PPP1R13L: variants seen among roughly 807,000 people sequenced by gnomAD.
PPP1R13L encodes protein phosphatase 1 regulatory subunit 13 like, also known as relA-associated inhibitor.
Under a neutral mutation model 80.9 loss-of-function variants are expected in PPP1R13L, and 50 were observed. The ratio of observed to expected loss-of-function variants is 0.62; its 90% confidence interval spans 0.49 to 0.78. The LOEUF (loss-of-function observed/expected upper bound fraction) is 0.78, where lower values mean the gene tolerates loss of function less well. PPP1R13L is among the 30% of genes least tolerant of loss of function. PPP1R13L has a pLI of 0.00. For missense variants in PPP1R13L, 1,200 were observed against 1,205.9 expected, an observed-to-expected ratio of 1.00 and a Z score of 0.07; for synonymous variants, 602 against 534.3, an observed-to-expected ratio of 1.13 and a Z score of -1.75.
At chr19:45,384,296 G>A (rs189665944) in intron 11 of PPP1R13L, among the ~76,000 whole-genome samples, 39 of 145,290 alleles carry the variant, frequency 2.7e-4, no homozygotes, top group African/African-American at 1.0e-3. Context: ...CAAGGCAGGC[G>A]GATCCTCTGA....
rs762605157 is a variant in PPP1R13L at position 45,396,644 on chromosome 19, G to T, written c.613C>A (p.Arg205Ser). Residue 205 changes from arginine (R) to serine (S), a missense_variant, in exon 4 of 13, where the codon CGC (arginine) becomes AGC (serine). By Grantham distance (110) the Arg-to-Ser change is moderately radical (BLOSUM62 -1). Around this residue, in one of 5 missense-constraint regions of PPP1R13L, gnomAD observed 764 missense variants for 714.5 expected, o/e 1.07. Transcript: ENST00000360957. This position sits in a 1 kb window ranked among gnomAD's most constrained non-coding sequence, Gnocchi z 5.3. ...AFFPERGPSP[R>S]PPATAYDAPA... ...GCGTCGTAGGCTGTGGCAGGGGGGC[G>T]CGGTGACGGCCCACGCTCGGGGAAG... is the stretch of plus-strand genomic sequence containing the variant. The T allele has an allele frequency of 9.5e-6, 14 of 1,471,364 alleles. No homozygotes were observed. The highest frequency in any genetic ancestry group is 1.2e-5 in the Non-Finnish European group (14 of 1,122,078). 91.1% of individuals were successfully genotyped at this position (1,471,364 alleles called of 1,614,324 possible). A position where few individuals can be genotyped will look rare whatever the true frequency, so the allele number is the denominator to read the frequency against.
chr19:45,401,215 C>T (rs1294833118), intron 1 of PPP1R13L, among the ~76,000 whole-genome samples: 1 of 151,502 alleles, frequency 6.6e-6, no homozygotes, highest in Non-Finnish European at 1.5e-5. Context: ...ATTAGCTGGG[C>T]GTGGTGGCGG....
chr19:45,394,073 C>G (rs1973032974), intron 7 of PPP1R13L, among the ~76,000 whole-genome samples: 1 of 152,108 alleles, frequency 6.6e-6, no homozygotes, highest in Admixed American at 6.6e-5. Flanking sequence ...GAGACTCCAG[C>G]CCATCTGCTT....
intron 1 of PPP1R13L, among the ~76,000 whole-genome samples, chr19:45,402,709 A>T (rs911356364): frequency 1.3e-5 from 2 of 152,096 alleles, no homozygotes; most frequent in Non-Finnish European, 1.5e-5. Context: ...GTCCTCTCCC[A>T]TGTGCTCCCC....
intron 7 of PPP1R13L, chr19:45,394,675 G>C (rs1973044913): frequency 7.7e-6 from 1 of 130,322 alleles, no homozygotes; most frequent in Non-Finnish European, 1.6e-5. Context: ...ATTTCATCAT[G>C]TTGTCCAGGC....
At chr19:45,397,472 C>CTCTTTGTTTCTTTCTT (rs1973132449) in intron 3 of PPP1R13L, among the ~76,000 whole-genome samples, 1 of 83,272 alleles carries the variant, frequency 1.2e-5, no homozygotes, top group Non-Finnish European at 2.3e-5. Flanking sequence ...TTCTCTCTCT[C>CTCTTTGTTTCTTTCTT]TCTTTCTTTC....
chr19:45,398,508 CA>C (rs1187061146), intron 1 of PPP1R13L, among the ~76,000 whole-genome samples, 169 bp from the exon 2 acceptor site: 1 of 152,104 alleles, frequency 6.6e-6, no homozygotes, highest in African/African-American at 2.4e-5. Flanking sequence ...CCTCCAAAGC[CA>C]AGTCCATGCG....
At chr19:45,385,181 C>G (rs1226592241) in intron 11 of PPP1R13L, among the ~76,000 whole-genome samples, 1 of 152,228 alleles carries the variant, frequency 6.6e-6, no homozygotes, top group African/African-American at 2.4e-5. Flanking sequence ...GCCTGCTCAC[C>G]TGCCAGTGGT....
intron 7 of PPP1R13L, among the ~76,000 whole-genome samples, chr19:45,394,293 G>C (rs553979530): frequency 6.6e-6 from 1 of 151,748 alleles, no homozygotes; most frequent in Non-Finnish European, 1.5e-5. Flanking sequence ...TACCATGCCC[G>C]GCAGATTTTT....
intron 11 of PPP1R13L, among the ~76,000 whole-genome samples, chr19:45,384,621 G>T (rs1314695889): frequency 6.6e-6 from 1 of 152,042 alleles, no homozygotes; most frequent in Non-Finnish European, 1.5e-5. Flanking sequence ...GGAGGCCAAG[G>T]TGGGCAGATT....
intron 1 of PPP1R13L, among the ~76,000 whole-genome samples, chr19:45,402,324 C>T (rs984612275): frequency 7.2e-5 from 11 of 152,300 alleles, no homozygotes; most frequent in Admixed American, 2.0e-4. Flanking sequence ...CTCATGGGAT[C>T]CTCCCCGGCT....
At chr19:45,390,020 T>G (rs1459828554) in intron 8 of PPP1R13L, among the ~76,000 whole-genome samples, 5 of 152,000 alleles carry the variant, frequency 3.3e-5, no homozygotes, top group Non-Finnish European at 7.4e-5. Flanking sequence ...TCTTATCTCC[T>G]GACTTCGTGA....
chr19:45,399,440 T>C (rs113573736), intron 1 of PPP1R13L, among the ~76,000 whole-genome samples: 3,069 of 146,240 alleles, frequency 0.021, 64 homozygotes, highest in African/African-American at 0.046. Flanking sequence ...CTGGCTAACA[T>C]GGTGAAACCC....
Position 45,396,137 on chromosome 19 carries a change from A to C in PPP1R13L, c.903+31T>G. The C allele has an allele frequency of 6.4e-7, 1 of 1,566,080 alleles. No homozygotes were observed. The highest frequency in any genetic ancestry group is 8.6e-7 in the Non-Finnish European group (1 of 1,156,502). On this transcript the variant is annotated intron_variant, in intron 6 of 12. Coordinates refer to ENST00000360957, the MANE Select transcript of PPP1R13L (RefSeq NM_006663.4). This position sits in a 1 kb window ranked among gnomAD's most constrained non-coding sequence, Gnocchi z 5.3. The stretch of plus-strand genomic sequence containing the variant: ...CCCACCCCACTCCTCGACCTTCCCC[A>C]GCCTCTCCTCCCCAGGCGTCGCCTC...
Position 45,396,883 on chromosome 19 carries a change from A to G in PPP1R13L, c.374T>C (p.Leu125Pro). The change falls in exon 4 of 13, where the codon CTC (leucine) becomes CCC (proline). Residue 125 changes from leucine to proline, a missense_variant. This residue lies in a region of PPP1R13L where 764 missense variants were observed against 714.5 expected (regional missense o/e 1.07). Transcript: ENST00000360957. The surrounding 1 kb of genome is among the most constrained non-coding windows in gnomAD (Gnocchi z 5.3). ...KGRPSSPRTP[L>P]YLQPDAYGSL... ...GCCGTAGGCGTCCGGCTGCAGGTAG[A>G]GCGGGGTGCGCGGCGACGACGGCCG... The G allele has an allele frequency of 2.6e-6, 4 of 1,527,764 alleles. No individual in the cohort carries two copies. The highest frequency in any genetic ancestry group is 1.4e-5 in the African/African-American group (1 of 69,720). 94.6% of individuals were successfully genotyped at this position (1,527,764 alleles called of 1,614,324 possible). A position where few individuals can be genotyped will look rare whatever the true frequency, so the allele number is the denominator to read the frequency against.
Position 45,396,955 on chromosome 19 carries a change from T to C in PPP1R13L, c.302A>G (p.Glu101Gly). Reference protein sequence around the residue: ...DGADTPFGRSESAPTLHPYSP... With the variant: ...DGADTPFGRSGSAPTLHPYSP... ...GTAGGGGTGTAGGGTTGGGGCACTC[T>C]CTGATCGTCCGAACGGGGTGTCTGC... is the stretch of plus-strand genomic sequence containing the variant. Residue 101 changes from glutamate (E) to glycine (G), a missense_variant, in exon 4 of 13, where the codon GAG becomes GGG. Physicochemically the swap from Glu to Gly is moderately conservative, Grantham distance 98. Around this residue, in one of 5 missense-constraint regions of PPP1R13L, gnomAD observed 764 missense variants for 714.5 expected, o/e 1.07. Transcript: ENST00000360957. The surrounding 1 kb of genome is among the most constrained non-coding windows in gnomAD (Gnocchi z 5.3). 1.4e-6 allele frequency: 2 copies of C among 1,416,584 alleles called. No homozygotes were observed. The highest frequency in any genetic ancestry group is 9.2e-7 in the Non-Finnish European group (1 of 1,085,564). The allele number at this position is 1,416,584 out of a possible 1,614,324, so 87.8% of individuals were successfully genotyped here.
In PPP1R13L at chr19:45,396,920, A is replaced by T; in HGVS notation, c.337T>A (p.Ser113Thr). The T allele has an allele frequency of 6.7e-7, 1 of 1,490,464 alleles. No individual in the cohort carries two copies. 92.3% of individuals were successfully genotyped at this position (1,490,464 alleles called of 1,614,324 possible). The stretch of plus-strand genomic sequence containing the variant: ...GGCGACGACGGCCGTCCCTTGGGGG[A>T]CAGCGGGCTGTAGGGGTGTAGGGTT... ...APTLHPYSPL[S>T]PKGRPSSPRT... The change falls in exon 4 of 13, where the codon TCC (serine) becomes ACC (threonine). Residue 113 changes from serine to threonine, a missense_variant. This residue lies in a region of PPP1R13L where 764 missense variants were observed against 714.5 expected (regional missense o/e 1.07). Coordinates refer to ENST00000360957, the MANE Select transcript of PPP1R13L (RefSeq NM_006663.4). The surrounding 1 kb of genome is among the most constrained non-coding windows in gnomAD (Gnocchi z 5.3).
Position 45,385,585 on chromosome 19 carries a change from G to A in PPP1R13L, c.2225C>T (p.Ala742Val). 2 of 1,612,884 alleles carry A rather than the reference G, an allele frequency of 1.2e-6. No homozygotes were observed. Among genetic ancestry groups the A allele is most frequent in the Non-Finnish European group, 8.5e-7 (1 of 1,179,754 alleles). The change falls in exon 11 of 13, where the codon GCT becomes GTT. Residue 742 changes from alanine to valine, a missense_variant. Physicochemically the swap from Ala to Val is moderately conservative, Grantham distance 64. Transcript: ENST00000360957. ...EKCDPYREGY[A>V]DCATYLADVE... ...ACCTGCCAGGTAGGTGGCGCAGTCAGCATAACCCTCGCGGTAAGGGTCGCA... is the reference window on the plus strand; with the variant it reads ...ACCTGCCAGGTAGGTGGCGCAGTCAACATAACCCTCGCGGTAAGGGTCGCA...
At chr19:45,391,628 A>C (rs969418420) in intron 8 of PPP1R13L, among the ~76,000 whole-genome samples, 1 of 152,152 alleles carries the variant, frequency 6.6e-6, no homozygotes, top group Non-Finnish European at 1.5e-5. Context: ...GCTGGAGGGC[A>C]GACTTGGTGA....
Sources: allele counts gnomAD v4.1 joint callset (sites outside exome capture counted in the v4.1 genomes callset), GRCh38; gene constraint gnomAD v4.1.1; regional missense constraint gnomAD v4.1.1; non-coding constraint Gnocchi (gnomAD v3.1); transcripts MANE v1.5; gene names NCBI Gene and HGNC (gene_info 2026-07-23, HGNC 2026-07-21).